The following FRMD4B variants were observed in gnomAD, a reference collection of about 807,000 sequenced individuals.
FRMD4B encodes the protein FERM domain containing 4B, also known as FERM domain-containing protein 4B.
In FRMD4B, 74 loss-of-function variants were observed where a neutral mutation model predicts 141.5. The observed-to-expected ratio is 0.52, with a 90% CI of 0.43 to 0.63. The LOEUF is 0.63. Ranked by LOEUF, FRMD4B falls within the 30% of genes least tolerant of loss-of-function variation. The probability of loss-of-function intolerance (pLI) is 0.00; values close to 1 mark genes in which losing one functional copy is unlikely to be tolerated. For synonymous variants in FRMD4B, 506 were observed against 467.9 expected (o/e 1.08, Z -1.05); for missense variants, 1,366 against 1,253.4 (o/e 1.09, Z -1.36).
intron 8 of FRMD4B, among the ~76,000 whole-genome samples, chr3:69,223,499 G>C (rs566005656): frequency 1.8e-4 from 27 of 152,020 alleles, no homozygotes; most frequent in Admixed American, 1.2e-3. Flanking sequence ...TGGGTGACAG[G>C]GGGAGACTCC....
At chr3:69,346,011 G>C (rs1396489253) in intron 1 of FRMD4B, among the ~76,000 whole-genome samples, 1 of 152,118 alleles carries the variant, frequency 6.6e-6, no homozygotes, top group African/African-American at 2.4e-5. Flanking sequence ...AGAGAAGAAG[G>C]CTTCAGATGA....
At chr3:69,470,331 T>G (rs1436441410) in intron 1 of FRMD4B, among the ~76,000 whole-genome samples, 4 of 152,198 alleles carry the variant, frequency 2.6e-5, no homozygotes, top group Non-Finnish European at 5.9e-5. Flanking sequence ...GTTTGTCTTT[T>G]CATTCCAAAT....
chr3:69,249,192 T>C, intron 7 of FRMD4B, 34 bp downstream of exon 7: 1 of 1,384,780 alleles, frequency 7.2e-7, no homozygotes, highest in East Asian at 2.3e-5. Flanking sequence ...TTAGGGTTAT[T>C]TTGCATAGTA....
At chr3:69,347,730 C>A (rs1173091824) in intron 1 of FRMD4B, among the ~76,000 whole-genome samples, 9 of 152,202 alleles carry the variant, frequency 5.9e-5, no homozygotes, top group Admixed American at 5.9e-4. Context: ...TCCTGAAAGA[C>A]TACTGGGTAC....
intron 2 of FRMD4B, among the ~76,000 whole-genome samples, chr3:69,431,256 TC>T (rs1705173839): frequency 6.6e-6 from 1 of 152,220 alleles, no homozygotes; most frequent in South Asian, 2.1e-4. Context: ...GTCTGTATTC[TC>T]CAATGCTTCT....
intron 1 of FRMD4B, among the ~76,000 whole-genome samples, chr3:69,465,319 C>CAA (rs370690960): frequency 8.3e-5 from 9 of 109,066 alleles, no homozygotes; most frequent in Admixed American, 1.9e-4. Flanking sequence ...GGCTCCGTCT[C>CAA]AAAAAAAAAA....
chr3:69,419,778 A>T (rs1259306535), intron 2 of FRMD4B, among the ~76,000 whole-genome samples: 1 of 152,218 alleles, frequency 6.6e-6, no homozygotes, highest in Non-Finnish European at 1.5e-5. Flanking sequence ...AGTAAATGGA[A>T]GTTCCTATGC....
chr3:69,478,640 A>T (rs1170481397), intron 1 of FRMD4B, among the ~76,000 whole-genome samples: 2 of 152,082 alleles, frequency 1.3e-5, no homozygotes, highest in African/African-American at 4.8e-5. Context: ...TGGTCAATTT[A>T]GGAATAGGTG....
In FRMD4B at chr3:69,311,356, G is replaced by A; in HGVS notation, c.230C>T (p.Pro77Leu). The change falls in exon 3 of 23, where the codon CCC (proline) becomes CTC (leucine). Residue 77 changes from proline to leucine, a missense_variant and splice_region_variant. By Grantham distance (98) the Pro-to-Leu change is moderately conservative (BLOSUM62 -3). Transcript: ENST00000398540. Reference sequence around the variant, plus strand: ...CAGCAACTCTCTTGCTAGAAGTTTGGGCTGTCAAAATAAAAATCTGGTTAG... The same window carrying A: ...CAGCAACTCTCTTGCTAGAAGTTTGAGCTGTCAAAATAAAAATCTGGTTAG... ...DDRRLELLVQ[P>L]KLLARELLDL... is the part of the protein sequence containing the mutation. The A allele has an allele frequency of 6.3e-7, 1 of 1,579,464 alleles. No homozygotes were observed. The highest frequency in any genetic ancestry group is 1.1e-5 in the South Asian group (1 of 89,542).
chr3:69,469,840 T>C (rs912192406), intron 1 of FRMD4B, among the ~76,000 whole-genome samples: 1 of 152,218 alleles, frequency 6.6e-6, no homozygotes, highest in Non-Finnish European at 1.5e-5. Flanking sequence ...TTTTAAATGA[T>C]GCATGAGAAG....
At chr3:69,520,714 G>T (rs1700841850) in intron 1 of FRMD4B, among the ~76,000 whole-genome samples, 1 of 151,980 alleles carries the variant, frequency 6.6e-6, no homozygotes, top group South Asian at 2.1e-4. Flanking sequence ...GCATCTCAAA[G>T]CATCCTCAGT....
At chr3:69,490,114 T>G (rs967319548) in intron 1 of FRMD4B, among the ~76,000 whole-genome samples, 4 of 152,192 alleles carry the variant, frequency 2.6e-5, no homozygotes, top group Non-Finnish European at 4.4e-5. Flanking sequence ...GGTTTCTTTT[T>G]GGGATGATGA....
Position 69,214,865 on chromosome 3 carries a change from A to T in FRMD4B, c.876+1398T>A, listed in dbSNP as rs113793316. ...GAACACAGCGAGACTCCATCTCAAA[A>T]AATAATAATAATAATGAATTTTTTT... On this transcript the variant is annotated intron_variant, in intron 11 of 22. Transcript: ENST00000398540. Among the ~76,000 whole-genome samples, 296 of 113,578 alleles carry T rather than the reference A, an allele frequency of 2.6e-3. 1 individual carries two copies. The highest frequency in any genetic ancestry group is 9.1e-3 in the African/African-American group (279 of 30,522). 74.5% of individuals were successfully genotyped at this position (113,578 alleles called of 152,430 possible).
At chr3:69,355,851 C>T (rs979708214) in intron 1 of FRMD4B, among the ~76,000 whole-genome samples, 1 of 152,092 alleles carries the variant, frequency 6.6e-6, no homozygotes, top group Non-Finnish European at 1.5e-5. Flanking sequence ...ATGGCGTAAC[C>T]CCATCTCTAC....
chr3:69,465,307 G>T (rs1353628686), intron 1 of FRMD4B, among the ~76,000 whole-genome samples: 1 of 144,146 alleles, frequency 6.9e-6, no homozygotes, highest in East Asian at 2.0e-4. Context: ...GTAACAGAGC[G>T]AGGCTCCGTC....
intron 17 of FRMD4B, among the ~76,000 whole-genome samples, chr3:69,190,316 C>T (rs901554094): frequency 2.0e-5 from 3 of 151,978 alleles, no homozygotes; most frequent in Non-Finnish European, 2.9e-5. Flanking sequence ...ATCATAAATG[C>T]TAAATGTTAA....
At chr3:69,439,423 T>G (rs1705310804) in intron 1 of FRMD4B, among the ~76,000 whole-genome samples, 1 of 152,202 alleles carries the variant, frequency 6.6e-6, no homozygotes, top group South Asian at 2.1e-4. Context: ...CAGGAATTTC[T>G]CCTGGTAAAT....
At chr3:69,174,394 T>C (rs1470295741) in intron 22 of FRMD4B, among the ~76,000 whole-genome samples, 1 of 152,208 alleles carries the variant, frequency 6.6e-6, no homozygotes, top group Non-Finnish European at 1.5e-5. Context: ...TGTAAAACTG[T>C]ATGTACAATA....
intron 1 of FRMD4B, among the ~76,000 whole-genome samples, chr3:69,374,840 C>A (rs2106647632): frequency 6.6e-6 from 1 of 152,288 alleles, no homozygotes; most frequent in East Asian, 1.9e-4. Flanking sequence ...GTCTACAATT[C>A]TTCATCTGGG....
Sources: gnomAD v4.1 joint callset for allele counts (sites outside exome capture counted in the v4.1 genomes callset) on GRCh38, gnomAD v4.1.1 for gene constraint, MANE v1.5 for transcripts, NCBI Gene and HGNC (gene_info 2026-07-23, HGNC 2026-07-21) for gene names.